Variants in RBM15 observed in about 807,000 individuals in gnomAD.
RBM15 encodes RNA binding motif protein 15.
RBM15 carries 8 observed loss-of-function variants against 62.6 expected under a neutral mutation model. That is an observed-to-expected ratio of 0.13 (90% CI 0.07 to 0.23). RBM15 has a LOEUF of 0.23. Ranked by LOEUF, RBM15 falls within the 10% of genes least tolerant of loss-of-function variation. RBM15 has a pLI of 1.00. For missense variants in RBM15, 1,144 were observed against 1,286.5 expected (o/e 0.89, Z 1.69); for synonymous variants, 606 against 505.7 (o/e 1.20, Z -2.66).
Position 110,342,253 on chromosome 1 carries a change from A to G in RBM15, c.2848A>G (p.Met950Val). 1.3e-6 allele frequency: 2 copies of G among 1,586,356 alleles called. No individual in the cohort carries two copies. The highest frequency in any genetic ancestry group is 1.7e-6 in the Non-Finnish European group (2 of 1,165,086). The change falls in exon 1 of 3, where the codon ATG becomes GTG. Residue 950 changes from methionine (M) to valine (V), a missense_variant. Met to Val is a conservative substitution (Grantham distance 21). This residue lies in a region of RBM15 where 144 missense variants were observed against 223.3 expected (regional missense o/e 0.64). Coordinates refer to ENST00000369784, the MANE Select transcript of RBM15 (RefSeq NM_022768.5). ...LAKSEEDYLV[M>V]IIVRGFGFQI... ...CAAATCTGAAGAAGATTACCTGGTC[A>G]TGATCATTGTCCGTGGTGCGTCCTA... is the stretch of plus-strand genomic sequence containing the variant.
Position 110,340,528 on chromosome 1 carries a change from A to G in RBM15, c.1123A>G (p.Thr375Ala), listed in dbSNP as rs1164182520. The G allele has an allele frequency of 6.2e-7, 1 of 1,614,138 alleles. No individual in the cohort carries two copies. Among genetic ancestry groups the G allele is most frequent in the African/African-American group, 1.3e-5 (1 of 75,024 alleles). Reference protein sequence around the residue: ...SPEDDQRANRTLFLGNLDITV... With the variant: ...SPEDDQRANRALFLGNLDITV... ...CGAGGATGATCAGCGAGCTAACCGGACGCTCTTCTTGGGCAACCTAGACAT... is the reference window on the plus strand; with the variant it reads ...CGAGGATGATCAGCGAGCTAACCGGGCGCTCTTCTTGGGCAACCTAGACAT... Residue 375 changes from threonine to alanine, a missense_variant, in exon 1 of 3, where the codon ACG becomes GCG. Thr to Ala is a moderately conservative substitution (Grantham distance 58, BLOSUM62 0). Transcript: ENST00000369784. The surrounding 1 kb of genome is among the most constrained non-coding windows in gnomAD (Gnocchi z 5.8).
chr1:110,346,622 C>A lies in RBM15; in HGVS notation c.*355C>A. ...AGAGTAGCTGTCTCTCAAACGTGCG[C>A]TCACAGTTGAGCTGCTTTTGTTTTA... On this transcript the variant is annotated 3_prime_UTR_variant, in exon 3 of 3. Coordinates refer to ENST00000369784, the MANE Select transcript of RBM15 (RefSeq NM_022768.5). 2.2e-6 allele frequency: 1 copy of A among 456,256 alleles called. No individual in the cohort carries two copies. The highest frequency in any genetic ancestry group is 4.2e-5 in the South Asian group (1 of 23,570). 28.3% of individuals were successfully genotyped at this position (456,256 alleles called of 1,614,324 possible).
Position 110,346,627 on chromosome 1 carries a change from A to C in RBM15, c.*360A>C. On this transcript the variant is annotated 3_prime_UTR_variant, in exon 3 of 3. Transcript: ENST00000369784. Reference sequence around the variant, plus strand: ...AGCTGTCTCTCAAACGTGCGCTCACAGTTGAGCTGCTTTTGTTTTATTCTA... The same window carrying C: ...AGCTGTCTCTCAAACGTGCGCTCACCGTTGAGCTGCTTTTGTTTTATTCTA... 2.3e-6 allele frequency: 1 copy of C among 442,574 alleles called. No homozygotes were observed. The highest frequency in any genetic ancestry group is 3.9e-5 in the Admixed American group (1 of 25,380). The allele number at this position is 442,574 out of a possible 1,614,324, so 27.4% of individuals were successfully genotyped here.
intron 1 of RBM15, among the ~76,000 whole-genome samples, chr1:110,343,423 G>A (rs1478344141): frequency 1.3e-5 from 2 of 151,830 alleles, no homozygotes; most frequent in Non-Finnish European, 2.9e-5. Context: ...GTCCAGCTAC[G>A]GAATTGAAAT....
At position 110,339,527 on chromosome 1, in the gene RBM15, G is replaced by C. The variant is rs780626180; in HGVS notation, c.122G>C (p.Arg41Pro). ...VTQLRGDDLR[R>P]PATMKGKERS... is the part of the protein sequence containing the mutation. ...CAGCTCCGCGGAGACGACCTCCGAC[G>C]ACCCGCAACAATGAAGGGAAAAGAG... is the stretch of plus-strand genomic sequence containing the variant. Residue 41 changes from arginine to proline, a missense_variant, in exon 1 of 3, where the codon CGA becomes CCA. This residue lies in a region of RBM15 where 298 missense variants were observed against 250.0 expected (regional missense o/e 1.19). Transcript: ENST00000369784. 10 of 1,601,538 alleles carry C rather than the reference G, an allele frequency of 6.2e-6. No individual in the cohort carries two copies. Among genetic ancestry groups the C allele is most frequent in the Non-Finnish European group, 6.8e-6 (8 of 1,171,284 alleles).
At position 110,342,059 on chromosome 1, in the gene RBM15, A is replaced by G; in HGVS notation, c.2654A>G (p.Gln885Arg). 6.2e-7 allele frequency: 1 copy of G among 1,614,242 alleles called. No homozygotes were observed. Among genetic ancestry groups the G allele is most frequent in the Non-Finnish European group, 8.5e-7 (1 of 1,180,050 alleles). Residue 885 changes from glutamine (Q) to arginine (R), a missense_variant, in exon 1 of 3, where the codon CAG becomes CGG. Physicochemically the swap from Gln to Arg is conservative, Grantham distance 43. This residue lies in a region of RBM15 where 144 missense variants were observed against 223.3 expected (regional missense o/e 0.64). Transcript: ENST00000369784. ...SAASDTATST[Q>R]RPLRNLVSYL... ...GCATCAGACACTGCCACTTCTACTCAGAGGCCACTTAGGAACCTTGTGTCC... is the reference window on the plus strand; with the variant it reads ...GCATCAGACACTGCCACTTCTACTCGGAGGCCACTTAGGAACCTTGTGTCC...
Position 110,340,955 on chromosome 1 carries a change from G to T in RBM15, c.1550G>T (p.Gly517Val). 6.2e-7 allele frequency: 1 copy of T among 1,614,222 alleles called. No homozygotes were observed. Among genetic ancestry groups the T allele is most frequent in the Non-Finnish European group, 8.5e-7 (1 of 1,180,036 alleles). ...WTHMRGFPLG[G>V]PDRRLRVDFA... ...CATATGCGGGGCTTCCCACTTGGTG[G>T]CCCAGATCGACGCCTTAGAGTAGAC... The change falls in exon 1 of 3, where the codon GGC becomes GTC. Residue 517 changes from glycine (G) to valine (V), a missense_variant. This residue lies in a region of RBM15 where 105 missense variants were observed against 193.6 expected (regional missense o/e 0.54). Coordinates refer to ENST00000369784, the MANE Select transcript of RBM15 (RefSeq NM_022768.5). This position sits in a 1 kb window ranked among gnomAD's most constrained non-coding sequence, Gnocchi z 5.8.
chr1:110,340,636 G>T lies in RBM15; in HGVS notation c.1231G>T (p.Gly411Cys). The stretch of plus-strand genomic sequence containing the variant: ...AGTAGATATCAAGAGGCCTTCTCGC[G>T]GCCAGACTAGTACTTACGGCTTTCT... ...TEVDIKRPSR[G>C]QTSTYGFLKF... The change falls in exon 1 of 3, where the codon GGC (glycine) becomes TGC (cysteine). Residue 411 changes from glycine to cysteine, a missense_variant. By Grantham distance (159) the Gly-to-Cys change is radical. Around this residue, in one of 8 missense-constraint regions of RBM15, gnomAD observed 105 missense variants for 193.6 expected, o/e 0.54. Coordinates refer to ENST00000369784, the MANE Select transcript of RBM15 (RefSeq NM_022768.5). The surrounding 1 kb of genome is among the most constrained non-coding windows in gnomAD (Gnocchi z 5.8). 1.2e-6 allele frequency: 2 copies of T among 1,614,164 alleles called. No homozygotes were observed. The highest frequency in any genetic ancestry group is 1.7e-6 in the Non-Finnish European group (2 of 1,180,024).
At position 110,339,419 on chromosome 1, in the gene RBM15, G is replaced by C. The variant is rs746094124; in HGVS notation, c.14G>C (p.Gly5Ala). Residue 5 changes from glycine to alanine, a missense_variant, in exon 1 of 3, where the codon GGG becomes GCG. By Grantham distance (60) the Gly-to-Ala change is moderately conservative (BLOSUM62 0). Transcript: ENST00000369784. MRTA[G>A]RDPVPRRSPR... ...AGCAATTGGCCAATGAGGACTGCGG[G>C]GCGGGACCCTGTGCCGCGGCGGAGT... 2 of 1,525,468 alleles carry C rather than the reference G, an allele frequency of 1.3e-6. No individual in the cohort carries two copies. Among genetic ancestry groups the C allele is most frequent in the Non-Finnish European group, 1.8e-6 (2 of 1,135,376 alleles). The allele number at this position is 1,525,468 out of a possible 1,614,324, so 94.5% of individuals were successfully genotyped here. A position where few individuals can be genotyped will look rare whatever the true frequency, so the allele number is the denominator to read the frequency against.
chr1:110,345,722 T>G, intron 2 of RBM15, 73 bp downstream of exon 2: 1 of 869,422 alleles, frequency 1.2e-6, no homozygotes, highest in Non-Finnish European at 1.8e-6. Flanking sequence ...AAAAGTGAGA[T>G]TCCTGAAGTG....
rs766897490 is a variant in RBM15, at chr1:110,341,414, C to G, written c.2009C>G (p.Ser670Cys). The change falls in exon 1 of 3, where the codon TCT becomes TGT. Residue 670 changes from serine (S) to cysteine (C), a missense_variant. Physicochemically the swap from Ser to Cys is moderately radical, Grantham distance 112. Transcript: ENST00000369784. The surrounding 1 kb of genome is among the most constrained non-coding windows in gnomAD (Gnocchi z 4.5). Reference protein sequence around the residue: ...DRPRKRHCAPSPDRSPELSSS... With the variant: ...DRPRKRHCAPCPDRSPELSSS... ...CCACGAAAACGTCACTGCGCTCCTT[C>G]TCCTGACCGCAGTCCAGAATTGAGC... 1 of 1,614,136 alleles carries G rather than the reference C, an allele frequency of 6.2e-7. No homozygotes were observed. The highest frequency in any genetic ancestry group is 2.2e-5 in the East Asian group (1 of 44,876).
intron 1 of RBM15, among the ~76,000 whole-genome samples, chr1:110,344,656 C>G (rs1164858170): frequency 6.6e-6 from 1 of 152,142 alleles, no homozygotes; most frequent in African/African-American, 2.4e-5. Flanking sequence ...ACTGCCCATT[C>G]TTTTGTGCAG....
Position 110,340,035 on chromosome 1 carries a change from T to C in RBM15, c.630T>C (p.Ser210=). ...VSVKISHLSG[S]GSGDERVAFV... is the part of the protein sequence containing the mutation. Reference sequence around the variant, plus strand: ...TGAAAATCAGTCATCTGTCGGGTTCTGGCAGCGGGGATGAGCGGGTAGCCT... The same window carrying C: ...TGAAAATCAGTCATCTGTCGGGTTCCGGCAGCGGGGATGAGCGGGTAGCCT... The change falls in exon 1 of 3, where the codon TCT becomes TCC. Residue 210 remains serine (S), a synonymous_variant. Coordinates refer to ENST00000369784, the MANE Select transcript of RBM15 (RefSeq NM_022768.5). The surrounding 1 kb of genome is among the most constrained non-coding windows in gnomAD (Gnocchi z 5.8). The C allele has an allele frequency of 2.5e-6, 4 of 1,614,106 alleles. No homozygotes were observed. The highest frequency in any genetic ancestry group is 3.4e-6 in the Non-Finnish European group (4 of 1,180,028).
In RBM15 at chr1:110,340,769, C is replaced by G; in HGVS notation, c.1364C>G (p.Thr455Ser). The G allele has an allele frequency of 6.2e-7, 1 of 1,614,160 alleles. No homozygotes were observed. The highest frequency in any genetic ancestry group is 8.5e-7 in the Non-Finnish European group (1 of 1,180,040). ...KIGYGKATPTTRLWVGGLGPW... is the reference protein window; with the variant it reads ...KIGYGKATPTSRLWVGGLGPW... ...GGTTATGGTAAAGCTACACCCACCA[C>G]CCGCCTCTGGGTGGGAGGCCTGGGA... Residue 455 changes from threonine (T) to serine (S), a missense_variant, in exon 1 of 3, where the codon ACC (threonine) becomes AGC (serine). Thr to Ser is a moderately conservative substitution (Grantham distance 58). This residue lies in a region of RBM15 where 105 missense variants were observed against 193.6 expected (regional missense o/e 0.54). Transcript: ENST00000369784. This position sits in a 1 kb window ranked among gnomAD's most constrained non-coding sequence, Gnocchi z 5.8.
In RBM15 at chr1:110,342,147, G is replaced by A. The variant is rs778398647; in HGVS notation, c.2742G>A (p.Lys914=). ...ISLPVGGNKD[K]ENTGVLHAFP... ...TCCCTGTGGGGGGCAACAAAGACAAGGAAAACACCGGGGTCCTTCATGCCT... is the reference window on the plus strand; with the variant it reads ...TCCCTGTGGGGGGCAACAAAGACAAAGAAAACACCGGGGTCCTTCATGCCT... The change falls in exon 1 of 3, where the codon AAG becomes AAA. Residue 914 remains lysine (K), a synonymous_variant. Transcript: ENST00000369784. 1 of 1,614,124 alleles carries A rather than the reference G, an allele frequency of 6.2e-7. No individual in the cohort carries two copies. Among genetic ancestry groups the A allele is most frequent in the Non-Finnish European group, 8.5e-7 (1 of 1,179,990 alleles).
chr1:110,339,737 A>G lies in RBM15; in HGVS notation c.332A>G (p.Glu111Gly). 1 of 1,612,834 alleles carries G rather than the reference A, an allele frequency of 6.2e-7. No homozygotes were observed. The highest frequency in any genetic ancestry group is 8.5e-7 in the Non-Finnish European group (1 of 1,179,742). ...DKSSSRGGSR[E>G]YDTGGGSSSS... is the part of the protein sequence containing the mutation. ...TCCAGCAGTCGAGGTGGCAGCCGCG[A>G]GTATGATACCGGTGGGGGCAGCTCC... The change falls in exon 1 of 3, where the codon GAG becomes GGG. Residue 111 changes from glutamate to glycine, a missense_variant. Coordinates refer to ENST00000369784, the MANE Select transcript of RBM15 (RefSeq NM_022768.5).
chr1:110,341,158 G>A lies in RBM15; in HGVS notation c.1753G>A (p.Asp585Asn). The A allele has an allele frequency of 1.2e-6, 2 of 1,614,096 alleles. No individual in the cohort carries two copies. Among genetic ancestry groups the A allele is most frequent in the Non-Finnish European group, 1.7e-6 (2 of 1,179,978 alleles). Residue 585 changes from aspartate (D) to asparagine (N), a missense_variant, in exon 1 of 3, where the codon GAT (aspartate) becomes AAT (asparagine). Physicochemically the swap from Asp to Asn is conservative, Grantham distance 23. Coordinates refer to ENST00000369784, the MANE Select transcript of RBM15 (RefSeq NM_022768.5). This position sits in a 1 kb window ranked among gnomAD's most constrained non-coding sequence, Gnocchi z 4.5. Reference protein sequence around the residue: ...DRDRDLYPDSDWVPPPPPVRE... With the variant: ...DRDRDLYPDSNWVPPPPPVRE... ...TGATAGGGACCTTTATCCTGACTCT[G>A]ATTGGGTGCCACCCCCACCCCCAGT...
Position 110,341,382 on chromosome 1 carries a change from T to C in RBM15, c.1977T>C (p.Ser659=), listed in dbSNP as rs1213788702. The C allele has an allele frequency of 3.7e-6, 6 of 1,613,814 alleles. No individual in the cohort carries two copies. The East Asian group carries it at 1.3e-4, about 36-fold the overall frequency. Residue 659 remains serine, a synonymous_variant, in exon 1 of 3, where the codon AGT becomes AGC. Transcript: ENST00000369784. This position sits in a 1 kb window ranked among gnomAD's most constrained non-coding sequence, Gnocchi z 4.5. The part of the protein sequence containing the change: ...GGRHLDRSPE[S]DRPRKRHCAP... The stretch of plus-strand genomic sequence containing the variant: ...GTCATCTGGATAGGTCTCCTGAGAG[T>C]GACCGCCCACGAAAACGTCACTGCG...
chr1:110,345,143 G>T (rs1660874240), intron 1 of RBM15, among the ~76,000 whole-genome samples: 1 of 152,090 alleles, frequency 6.6e-6, no homozygotes, highest in Admixed American at 6.5e-5. Context: ...TCCATCGCCT[G>T]GCTGGTTATA....
Sources: allele counts gnomAD v4.1 joint callset (sites outside exome capture counted in the v4.1 genomes callset), GRCh38; gene constraint gnomAD v4.1.1; regional missense constraint gnomAD v4.1.1; non-coding constraint Gnocchi (gnomAD v3.1); transcripts MANE v1.5; gene names NCBI Gene and HGNC (gene_info 2026-07-23, HGNC 2026-07-21).